The following FRMPD4 variants were observed in gnomAD, a reference collection of about 807,000 sequenced individuals.
FRMPD4 encodes FERM and PDZ domain containing 4, also known as FERM and PDZ domain-containing protein 4.
Under a neutral mutation model 94.1 loss-of-function variants are expected in FRMPD4, and 22 were observed. The observed-to-expected ratio is 0.23, with a 90% CI of 0.17 to 0.33. The LOEUF (loss-of-function observed/expected upper bound fraction) is 0.33. FRMPD4 is among the 10% of genes least tolerant of loss of function. FRMPD4 has a pLI of 1.00. For synonymous variants in FRMPD4, 631 were observed against 548.6 expected, an observed-to-expected ratio of 1.15 and a Z score of -2.10; for missense variants, 1,111 against 1,339.9, an observed-to-expected ratio of 0.83 and a Z score of 2.67.
At chrX:12,261,380 G>C (rs2054186540) in intron 1 of FRMPD4, among the ~76,000 whole-genome samples, 1 of 112,075 alleles carries the variant, frequency 8.9e-6, no homozygotes, top group African/African-American at 3.2e-5. Flanking sequence ...AAGCAACAAT[G>C]TTTTGATGCT....
intron 4 of FRMPD4, 103 bp downstream of exon 4, chrX:12,614,984 A>T: frequency 2.5e-6 from 1 of 407,550 alleles, no homozygotes; most frequent in Non-Finnish European, 4.3e-6. Flanking sequence ...ACAATTTAGG[A>T]TGGAAATGCA....
At position 11,862,577 on chromosome X, in the gene FRMPD4, C is replaced by T. The variant is rs150300033; in HGVS notation, c.-160-2509C>T. 1.0e-3 allele frequency among the ~76,000 whole-genome samples: 116 copies of T among 110,912 alleles called. 1 individual carries two copies. In the East Asian group the frequency reaches 0.013, roughly 13 times the overall value. Reference sequence around the variant, plus strand: ...GGCTCCAGCTCCTACAGTCTATAATCCCTTGTAGATGATGCACCATAAAGG... The same window carrying T: ...GGCTCCAGCTCCTACAGTCTATAATTCCTTGTAGATGATGCACCATAAAGG... On this transcript the variant is annotated intron_variant, in intron 1 of 18. Transcript: ENST00000640291.
intron 3 of FRMPD4, among the ~76,000 whole-genome samples, chrX:11,942,253 G>A (rs749065385): frequency 1.1e-5 from 1 of 87,149 alleles, no homozygotes; most frequent in East Asian, 3.7e-4. Flanking sequence ...TTTTTTGAGA[G>A]ACAGGGGTCT....
At chrX:12,212,622 C>A (rs149254325) in intron 1 of FRMPD4, among the ~76,000 whole-genome samples, 21 of 111,820 alleles carry the variant, frequency 1.9e-4, no homozygotes, top group African/African-American at 6.8e-4. Flanking sequence ...TAACCTGCAG[C>A]CAAATCTGTA....
At chrX:12,452,381 C>T (rs2057282965) in intron 1 of FRMPD4, among the ~76,000 whole-genome samples, 1 of 111,724 alleles carries the variant, frequency 9.0e-6, no homozygotes, top group African/African-American at 3.3e-5. Context: ...ATATTCATTG[C>T]CATGAGTATT....
chrX:12,435,356 G>A (rs1188747837), intron 1 of FRMPD4, among the ~76,000 whole-genome samples: 1 of 111,377 alleles, frequency 9.0e-6, no homozygotes, highest in Non-Finnish European at 1.9e-5. Flanking sequence ...AATATCTATT[G>A]TATATTCAAT....
At chrX:12,257,734 C>G (rs2054134366) in intron 1 of FRMPD4, among the ~76,000 whole-genome samples, 1 of 111,153 alleles carries the variant, frequency 9.0e-6, no homozygotes, top group African/African-American at 3.3e-5. Context: ...AATGAAAATC[C>G]CAACGCTTGT....
At chrX:12,407,523 G>A (rs1231480087) in intron 1 of FRMPD4, among the ~76,000 whole-genome samples, 1 of 111,552 alleles carries the variant, frequency 9.0e-6, no homozygotes, top group Non-Finnish European at 1.9e-5. Flanking sequence ...GACTGTTGAG[G>A]GCTATAAATG....
At chrX:11,856,534 C>A (rs2053654993) in intron 1 of FRMPD4, among the ~76,000 whole-genome samples, 1 of 111,466 alleles carries the variant, frequency 9.0e-6, no homozygotes, top group African/African-American at 3.3e-5. Context: ...TCTCAATAAG[C>A]TAGATATTGA....
intron 3 of FRMPD4, among the ~76,000 whole-genome samples, chrX:12,082,555 G>C (rs1449030997): frequency 1.8e-5 from 2 of 111,613 alleles, no homozygotes; most frequent in Non-Finnish European, 3.8e-5. Flanking sequence ...TTGCTGAAAA[G>C]ATACCCAAAA....
At chrX:12,148,790 T>C (rs1008123802) in intron 1 of FRMPD4, among the ~76,000 whole-genome samples, 1 of 112,070 alleles carries the variant, frequency 8.9e-6, no homozygotes, top group Non-Finnish European at 1.9e-5. Flanking sequence ...TAATGCTCAT[T>C]TGCCATTCCA....
chrX:12,551,586 T>G (rs1007436130), intron 2 of FRMPD4, among the ~76,000 whole-genome samples: 1 of 111,413 alleles, frequency 9.0e-6, no homozygotes, highest in African/African-American at 3.3e-5. Context: ...TCTTTCCATA[T>G]ATTTGTTGAA....
intron 1 of FRMPD4, among the ~76,000 whole-genome samples, chrX:12,435,702 G>A (rs757090430): frequency 1.8e-5 from 2 of 111,435 alleles, no homozygotes; most frequent in African/African-American, 3.3e-5. Context: ...GGTTATGCTA[G>A]TCTCTAGAAA....
intron 3 of FRMPD4, among the ~76,000 whole-genome samples, chrX:12,096,808 G>C (rs2055208888): frequency 9.0e-6 from 1 of 111,274 alleles, no homozygotes; most frequent in Non-Finnish European, 1.9e-5. Context: ...TATTGCTCGA[G>C]CCCAGGAATT....
intron 3 of FRMPD4, among the ~76,000 whole-genome samples, chrX:11,952,825 G>A (rs2054232254): frequency 8.9e-6 from 1 of 111,855 alleles, no homozygotes. Context: ...GCCAGTCAAG[G>A]TGGAGACCAT....
At chrX:11,904,845 A>G (rs2053958912) in intron 3 of FRMPD4, among the ~76,000 whole-genome samples, 1 of 112,547 alleles carries the variant, frequency 8.9e-6, no homozygotes, top group Admixed American at 9.3e-5. Context: ...TATTATTGAC[A>G]TGTAGGAATC....
intron 1 of FRMPD4, among the ~76,000 whole-genome samples, chrX:12,472,213 G>A (rs967184075): frequency 8.9e-6 from 1 of 112,357 alleles, no homozygotes; most frequent in Admixed American, 9.4e-5. Flanking sequence ...GGGGGTCAGT[G>A]GTATCTGGTC....
intron 10 of FRMPD4, among the ~76,000 whole-genome samples, chrX:12,704,002 A>G (rs4240151): frequency 0.44 from 48,791 of 110,761 alleles, 7,789 homozygotes; most frequent in East Asian, 0.82. Context: ...AGAAATCAAC[A>G]AAGGGATGGA....
intron 1 of FRMPD4, among the ~76,000 whole-genome samples, chrX:12,315,298 T>A (rs753050623): frequency 8.9e-6 from 1 of 112,738 alleles, no homozygotes; most frequent in East Asian, 2.8e-4. Context: ...AAACCCCATT[T>A]CAAAATTCCA....
Sources: gnomAD v4.1 joint callset for allele counts (sites outside exome capture counted in the v4.1 genomes callset) on GRCh38, gnomAD v4.1.1 for gene constraint, MANE v1.5 for transcripts, NCBI Gene and HGNC (gene_info 2026-07-23, HGNC 2026-07-21) for gene names.